Variants in ASAP1 observed in about 807,000 individuals in gnomAD.
ASAP1 encodes the protein arf-GAP with SH3 domain, ANK repeat and PH domain-containing protein 1.
Under a neutral mutation model 145.2 loss-of-function variants are expected in ASAP1, and 43 were observed. That is an observed-to-expected ratio of 0.30 (90% CI 0.23 to 0.38). ASAP1 has a LOEUF of 0.38. Among genes scored for constraint, ASAP1 ranks in the 10% least tolerant of loss-of-function variants. ASAP1 has a pLI of 1.00. For synonymous variants in ASAP1, 546 were observed against 515.5 expected (o/e 1.06, Z -0.80); for missense variants, 1,018 against 1,355.3 (o/e 0.75, Z 3.91).
At chr8:130,385,175 G>A (rs754658771) in intron 2 of ASAP1, among the ~76,000 whole-genome samples, 4 of 152,180 alleles carry the variant, frequency 2.6e-5, no homozygotes, top group Non-Finnish European at 4.4e-5. Flanking sequence ...ATTTAAAAGA[G>A]CCAAGGCAGG....
In ASAP1 at chr8:130,306,712, G is replaced by A. The variant is rs1823013895; in HGVS notation, c.186+51305C>T. Among the ~76,000 whole-genome samples the A allele has an allele frequency of 2.0e-5, 3 of 152,236 alleles. No homozygotes were observed. The South Asian group carries it at 6.2e-4, about 32-fold the overall frequency. ...AAGCCATTTCATTCATATATTTAGG[G>A]TAAACTTTAAGTAAATACCAATGGA... On this transcript the variant is annotated intron_variant, in intron 3 of 29. Transcript: ENST00000518721.
At chr8:130,252,691 G>A (rs887950023) in intron 3 of ASAP1, among the ~76,000 whole-genome samples, 13 of 152,050 alleles carry the variant, frequency 8.5e-5, no homozygotes, top group East Asian at 3.9e-4. Flanking sequence ...TTTAAAGTTC[G>A]GAGTTAGCAC....
chr8:130,324,683 CA>C (rs1459313399), intron 3 of ASAP1, among the ~76,000 whole-genome samples: 21 of 152,198 alleles, frequency 1.4e-4, no homozygotes, highest in Admixed American at 9.8e-4. Context: ...ATGAGGCCTC[CA>C]AGTCTATGGA....
intron 2 of ASAP1, among the ~76,000 whole-genome samples, chr8:130,395,957 C>T (rs145863781): frequency 0.011 from 1,707 of 152,256 alleles, 24 homozygotes; most frequent in African/African-American, 0.037. Context: ...TGAGCCACCG[C>T]GCCTGGCCAT....
At chr8:130,357,721 C>G (rs553397688) in intron 3 of ASAP1, among the ~76,000 whole-genome samples, 115 of 152,336 alleles carry the variant, frequency 7.5e-4, no homozygotes, top group African/African-American at 2.7e-3. Context: ...GTGGAAGCGC[C>G]GAACAGTGCA....
intron 1 of ASAP1, among the ~76,000 whole-genome samples, chr8:130,434,759 G>A (rs764694577): frequency 1.6e-4 from 25 of 152,104 alleles, no homozygotes; most frequent in African/African-American, 5.8e-4. Context: ...ATCCCAGAAC[G>A]GCTCTCTGTG....
intron 3 of ASAP1, among the ~76,000 whole-genome samples, chr8:130,317,405 T>G (rs148828538): frequency 2.6e-3 from 392 of 152,314 alleles, no homozygotes; most frequent in African/African-American, 9.1e-3. Context: ...CCATCAGGGT[T>G]TGTTGAAACT....
intron 3 of ASAP1, among the ~76,000 whole-genome samples, chr8:130,277,188 T>C (rs190219581): frequency 1.1e-4 from 17 of 152,078 alleles, no homozygotes; most frequent in African/African-American, 3.4e-4. Context: ...GTAACCTGAG[T>C]GAGACTGGAG....
At chr8:130,334,278 A>C (rs1824894386) in intron 3 of ASAP1, among the ~76,000 whole-genome samples, 1 of 152,198 alleles carries the variant, frequency 6.6e-6, no homozygotes, top group South Asian at 2.1e-4. Context: ...CAAAAATATC[A>C]AGCACATCAA....
At chr8:130,341,414 T>G (rs1486982561) in intron 3 of ASAP1, among the ~76,000 whole-genome samples, 1 of 152,208 alleles carries the variant, frequency 6.6e-6, no homozygotes, top group Non-Finnish European at 1.5e-5. Context: ...TGGCAGAGAC[T>G]TGGAGACTTG....
intron 2 of ASAP1, among the ~76,000 whole-genome samples, chr8:130,378,136 A>T (rs1434125208): frequency 6.6e-6 from 1 of 152,220 alleles, no homozygotes; most frequent in Non-Finnish European, 1.5e-5. Context: ...TTAACCTCTT[A>T]ATCCTCAGTT....
At chr8:130,415,206 G>A (rs1778500016) in intron 1 of ASAP1, among the ~76,000 whole-genome samples, 1 of 152,230 alleles carries the variant, frequency 6.6e-6, no homozygotes, top group South Asian at 2.1e-4. Context: ...AACTGGGGAT[G>A]CCTTTTAAAC....
intron 3 of ASAP1, among the ~76,000 whole-genome samples, chr8:130,311,692 C>T (rs868304688): frequency 7.3e-6 from 1 of 136,262 alleles, no homozygotes; most frequent in African/African-American, 2.8e-5. Context: ...ACCCGGGAGG[C>T]GGAGGTTGCA....
At chr8:130,199,347 G>A (rs893263492) in intron 5 of ASAP1, among the ~76,000 whole-genome samples, 1 of 152,186 alleles carries the variant, frequency 6.6e-6, no homozygotes, top group Non-Finnish European at 1.5e-5. Flanking sequence ...CAAATCAGAA[G>A]GACTGCTCTG....
chr8:130,400,841 C>T (rs1828763597), intron 2 of ASAP1, among the ~76,000 whole-genome samples: 1 of 150,854 alleles, frequency 6.6e-6, no homozygotes, highest in African/African-American at 2.4e-5. Context: ...AATTGACTTA[C>T]ATCTAGCTGG....
chr8:130,167,459 G>C, intron 11 of ASAP1, 77 bp downstream of exon 11: 2 of 1,137,728 alleles, frequency 1.8e-6, no homozygotes, highest in South Asian at 1.2e-5. Flanking sequence ...CTGTCTTGCA[G>C]ATCAGGAAAC....
intron 3 of ASAP1, among the ~76,000 whole-genome samples, chr8:130,288,333 C>A (rs1565174727): frequency 6.6e-6 from 1 of 151,172 alleles, no homozygotes; most frequent in South Asian, 2.1e-4. Context: ...TAATTCCATT[C>A]TTTTACAAGA....
intron 1 of ASAP1, among the ~76,000 whole-genome samples, chr8:130,424,335 A>T (rs1466911313): frequency 1.3e-5 from 2 of 152,118 alleles, no homozygotes; most frequent in East Asian, 3.9e-4. Flanking sequence ...TATTGGTCTG[A>T]CGGCCTAGCC....
At chr8:130,403,709 C>T (rs967501718) in intron 1 of ASAP1, among the ~76,000 whole-genome samples, 2 of 152,056 alleles carry the variant, frequency 1.3e-5, no homozygotes, top group Non-Finnish European at 1.5e-5. Flanking sequence ...TCCGCCACCA[C>T]GCCCAGCTAC....
Sources: allele counts gnomAD v4.1 joint callset (sites outside exome capture counted in the v4.1 genomes callset), GRCh38; gene constraint gnomAD v4.1.1; transcripts MANE v1.5; gene names NCBI Gene and HGNC (gene_info 2026-07-23, HGNC 2026-07-21).